HHIPL1: variants seen among roughly 807,000 people sequenced by gnomAD.
The protein encoded by HHIPL1 is HHIP like 1, also known as HHIP-like protein 1.
A neutral mutation model predicts 61.8 loss-of-function variants in HHIPL1; 43 were observed. The observed-to-expected ratio is 0.70, with a 90% CI of 0.55 to 0.90. The LOEUF is 0.90. HHIPL1 is among the 40% of genes least tolerant of loss of function. The pLI is 0.00. For missense variants in HHIPL1, 1,056 were observed against 1,157.7 expected, an observed-to-expected ratio of 0.91 and a Z score of 1.28; for synonymous variants, 482 against 515.8, an observed-to-expected ratio of 0.93 and a Z score of 0.89.
At chr14:99,663,711 C>T (rs2140082947) in intron 6 of HHIPL1, among the ~76,000 whole-genome samples, 1 of 152,290 alleles carries the variant, frequency 6.6e-6, no homozygotes, top group African/African-American at 2.4e-5. Flanking sequence ...TGCGTCTTCA[C>T]CTCTCTGAGC....
At chr14:99,637,078 G>GGA in the HHIPL1 span, among the ~76,000 whole-genome samples, 2 of 99,058 alleles carry the variant, frequency 2.0e-5, no homozygotes, top group African/African-American at 7.9e-5. Flanking sequence ...AAGAAAGAGA[G>GGA]AGAAAGAAAG....
At chr14:99,632,594 T>G in the HHIPL1 span, among the ~76,000 whole-genome samples, 7 of 152,150 alleles carry the variant, frequency 4.6e-5, no homozygotes, top group African/African-American at 1.7e-4. Flanking sequence ...TTTCTGAGTG[T>G]TAGATCTCTA....
At position 99,652,451 on chromosome 14, in the gene HHIPL1, G is replaced by C; in HGVS notation, c.483G>C (p.Leu161=). 4.3e-6 allele frequency: 7 copies of C among 1,614,102 alleles called. No homozygotes were observed. The highest frequency in any genetic ancestry group is 2.2e-5 in the South Asian group (2 of 91,088). ...LDDTDYCFPY[L]LVNKNLNSNL... ...ACACGGACTACTGCTTCCCTTACCT[G>C]CTGGTCAACAAGAACCTCAACTCAA... is the stretch of plus-strand genomic sequence containing the variant. Residue 161 remains leucine (L), a synonymous_variant, in exon 2 of 9, where the codon CTG becomes CTC. Coordinates refer to ENST00000330710, the MANE Select transcript of HHIPL1 (RefSeq NM_001127258.3).
the HHIPL1 span, among the ~76,000 whole-genome samples, chr14:99,607,717 A>G: frequency 9.9e-5 from 15 of 152,198 alleles, no homozygotes; most frequent in South Asian, 1.2e-3. Flanking sequence ...CCCCAGAGGC[A>G]GTACCATTTG....
At chr14:99,647,815 G>C (rs1243854129) in intron 1 of HHIPL1, among the ~76,000 whole-genome samples, 2 of 152,172 alleles carry the variant, frequency 1.3e-5, no homozygotes, top group African/African-American at 2.4e-5. Context: ...ACCTGCTTTG[G>C]GGGGATGGGA....
the HHIPL1 span, among the ~76,000 whole-genome samples, chr14:99,631,427 T>C: frequency 6.6e-6 from 1 of 152,098 alleles, no homozygotes; most frequent in Non-Finnish European, 1.5e-5. Flanking sequence ...GGCTTCCACA[T>C]ATGAACTTGG....
the HHIPL1 span, among the ~76,000 whole-genome samples, chr14:99,615,223 CT>C: frequency 6.6e-6 from 1 of 152,018 alleles, no homozygotes; most frequent in Non-Finnish European, 1.5e-5. Flanking sequence ...CCCAGACATC[CT>C]TTCTCTAAAA....
At chr14:99,669,779 G>T (rs980146469) in intron 7 of HHIPL1, among the ~76,000 whole-genome samples, 1 of 152,110 alleles carries the variant, frequency 6.6e-6, no homozygotes, top group Non-Finnish European at 1.5e-5. Context: ...TAAAAAATTA[G>T]TCTGGTGTGC....
intron 2 of HHIPL1, among the ~76,000 whole-genome samples, chr14:99,656,643 G>A (rs1264571353): frequency 6.6e-6 from 1 of 151,686 alleles, no homozygotes; most frequent in Non-Finnish European, 1.5e-5. Context: ...AGGCATGGTG[G>A]CGGGCACCTG....
chr14:99,614,005 C>T, the HHIPL1 span, among the ~76,000 whole-genome samples: 14 of 152,266 alleles, frequency 9.2e-5, no homozygotes, highest in African/African-American at 3.1e-4. Context: ...AAGAAGGAAG[C>T]TGAGTTAAGT....
chr14:99,653,791 C>T (rs2055980307), intron 2 of HHIPL1, among the ~76,000 whole-genome samples: 1 of 152,194 alleles, frequency 6.6e-6, no homozygotes, highest in Non-Finnish European at 1.5e-5. Context: ...TGACCTTGCA[C>T]GTGGGGCACA....
chr14:99,655,275 G>C (rs2140065079), intron 2 of HHIPL1, among the ~76,000 whole-genome samples: 1 of 152,280 alleles, frequency 6.6e-6, no homozygotes, highest in African/African-American at 2.4e-5. Flanking sequence ...TCAAAGTCCT[G>C]GGTTCAAGTC....
the HHIPL1 span, among the ~76,000 whole-genome samples, chr14:99,636,334 C>T: frequency 6.6e-6 from 1 of 152,186 alleles, no homozygotes; most frequent in Non-Finnish European, 1.5e-5. Context: ...AGGTGACCTC[C>T]TGGTCCACGG....
At chr14:99,640,990 A>G (rs1343812238), upstream of HHIPL1, among the ~76,000 whole-genome samples, 1 of 147,100 alleles carries the variant, frequency 6.8e-6, no homozygotes, top group East Asian at 2.0e-4. Context: ...AGTTTCAAGC[A>G]ATTCTTCTGC....
At chr14:99,612,258 C>G in the HHIPL1 span, among the ~76,000 whole-genome samples, 1 of 152,140 alleles carries the variant, frequency 6.6e-6, no homozygotes, top group Admixed American at 6.5e-5. Flanking sequence ...AGAAACTGCC[C>G]TTATGATTCA....
chr14:99,632,993 A>G, the HHIPL1 span, among the ~76,000 whole-genome samples: 6 of 136,316 alleles, frequency 4.4e-5, no homozygotes, highest in African/African-American at 1.6e-4. Flanking sequence ...GCTGAGACTC[A>G]GACCCATCTG....
chr14:99,617,951 T>C, the HHIPL1 span, among the ~76,000 whole-genome samples: 51 of 152,296 alleles, frequency 3.3e-4, no homozygotes, highest in African/African-American at 1.1e-3. Flanking sequence ...GTAGCAGATT[T>C]CTCCCATGGC....
upstream of HHIPL1, among the ~76,000 whole-genome samples, chr14:99,641,693 C>T (rs1047414282): frequency 6.6e-5 from 10 of 151,986 alleles, no homozygotes; most frequent in Admixed American, 1.3e-4. Flanking sequence ...GGATTACAGG[C>T]GTGAGCCACC....
At chr14:99,631,120 T>C in the HHIPL1 span, among the ~76,000 whole-genome samples, 11 of 143,140 alleles carry the variant, frequency 7.7e-5, no homozygotes, top group South Asian at 4.4e-4. Context: ...CTCTCTTTCT[T>C]TCTTTCTTTT....
Sources: allele counts gnomAD v4.1 joint callset (sites outside exome capture counted in the v4.1 genomes callset), GRCh38; gene constraint gnomAD v4.1.1; transcripts MANE v1.5; gene names NCBI Gene and HGNC (gene_info 2026-07-23, HGNC 2026-07-21).